Variants in DPYSL2 observed in about 807,000 individuals in gnomAD.
The protein encoded by DPYSL2 is dihydropyrimidinase-related protein 2.
Under a neutral mutation model 69.9 loss-of-function variants are expected in DPYSL2, and 13 were observed. The observed-to-expected ratio is 0.19, with a 90% CI of 0.12 to 0.30. DPYSL2 has a LOEUF of 0.30. Among genes scored for constraint, DPYSL2 ranks in the 10% least tolerant of loss-of-function variants. The pLI is 1.00. For missense variants in DPYSL2, 587 were observed against 918.9 expected, an observed-to-expected ratio of 0.64 and a Z score of 4.67; for synonymous variants, 326 against 359.1, an observed-to-expected ratio of 0.91 and a Z score of 1.04.
At position 26,626,922 on chromosome 8, in the gene DPYSL2, C is replaced by T. The variant is rs775603863; in HGVS notation, c.855+244C>T. Among the ~76,000 whole-genome samples the T allele has an allele frequency of 1.3e-5, 2 of 152,212 alleles. No individual in the cohort carries two copies. Among genetic ancestry groups the T allele is most frequent in the African/African-American group, 4.8e-5 (2 of 41,454 alleles). ...CCCCGCACGGCGTGTGTGGGAGCGGCACTCAGAACCTCCTTAGCAAACCTG... is the reference window on the plus strand; with the variant it reads ...CCCCGCACGGCGTGTGTGGGAGCGGTACTCAGAACCTCCTTAGCAAACCTG... On this transcript the variant is annotated intron_variant, in intron 5 of 13. Coordinates refer to ENST00000521913, the MANE Select transcript of DPYSL2 (RefSeq NM_001197293.3). This position sits in a 1 kb window ranked among gnomAD's most constrained non-coding sequence, Gnocchi z 4.3.
In DPYSL2 at chr8:26,609,680, G is replaced by A. The variant is rs992361345; in HGVS notation, c.629-14463G>A. On this transcript the variant is annotated intron_variant, in intron 3 of 13. Transcript: ENST00000521913. This position sits in a 1 kb window ranked among gnomAD's most constrained non-coding sequence, Gnocchi z 6.5. ...TGGACGCTGCCGGCTGCCACCCGTC[G>A]CTGAGCTGGAGCTCCCCAGAGTGCA... 7.9e-5 allele frequency among the ~76,000 whole-genome samples: 12 copies of A among 152,178 alleles called. 1 individual carries two copies. The highest frequency in any genetic ancestry group is 3.2e-3 in the Middle Eastern group (1 of 316).
chr8:26,634,171 C>CAG (rs1802845296), intron 7 of DPYSL2, among the ~76,000 whole-genome samples: 1 of 152,222 alleles, frequency 6.6e-6, no homozygotes, highest in African/African-American at 2.4e-5. Flanking sequence ...TAGTCCAGGG[C>CAG]AGAGCCAGAA....
At position 26,562,169 on chromosome 8, in the gene DPYSL2, A is replaced by C. The variant is rs1181954909; in HGVS notation, c.355-19800A>C. On this transcript the variant is annotated intron_variant, in intron 1 of 13. Coordinates refer to ENST00000521913, the MANE Select transcript of DPYSL2 (RefSeq NM_001197293.3). This position sits in a 1 kb window ranked among gnomAD's most constrained non-coding sequence, Gnocchi z 4.9. ...ATAAGAGGAAGGACACACACTGGTC[A>C]GACTGCAGGGCTTGATTCCTGGCTC... is the stretch of plus-strand genomic sequence containing the variant. Among the ~76,000 whole-genome samples, 2 of 152,216 alleles carry C rather than the reference A, an allele frequency of 1.3e-5. No individual in the cohort carries two copies. The highest frequency in any genetic ancestry group is 4.8e-5 in the African/African-American group (2 of 41,450).
intron 3 of DPYSL2, among the ~76,000 whole-genome samples, chr8:26,618,938 A>G (rs557767015): frequency 6.6e-6 from 1 of 152,222 alleles, no homozygotes; most frequent in Non-Finnish European, 1.5e-5. Flanking sequence ...AGCCTGGGCA[A>G]CAAGAGTGAA....
chr8:26,572,719 C>T (rs546372746), intron 1 of DPYSL2, among the ~76,000 whole-genome samples: 130 of 152,172 alleles, frequency 8.5e-4, no homozygotes, highest in African/African-American at 3.0e-3. Flanking sequence ...AGGATGGTCT[C>T]GAACTCCTGA....
rs115114478 is a variant in DPYSL2 at position 26,558,121 on chromosome 8, T to C, written c.355-23848T>C. Reference sequence around the variant, plus strand: ...TATTCAAAGGAGATGAAAACTTATTTCTAACAAAAATCTCTACAGAAATGT... The same window carrying C: ...TATTCAAAGGAGATGAAAACTTATTCCTAACAAAAATCTCTACAGAAATGT... On this transcript the variant is annotated intron_variant, in intron 1 of 13. Transcript: ENST00000521913. 7.0e-3 allele frequency among the ~76,000 whole-genome samples: 1,068 copies of C among 152,242 alleles called. 8 individuals are homozygous for C. Among genetic ancestry groups the C allele is most frequent in the African/African-American group, 0.024 (1,014 of 41,548 alleles).
intron 11 of DPYSL2, among the ~76,000 whole-genome samples, chr8:26,649,738 A>C (rs1179943569): frequency 6.6e-6 from 1 of 152,070 alleles, no homozygotes; most frequent in Non-Finnish European, 1.5e-5. Context: ...CTTTGCTTGG[A>C]TTTTCCAGGC....
chr8:26,553,851 A>G (rs1175792646), intron 1 of DPYSL2, among the ~76,000 whole-genome samples: 1 of 149,990 alleles, frequency 6.7e-6, no homozygotes, highest in Non-Finnish European at 1.5e-5. Flanking sequence ...ACAGTGCACA[A>G]GTGTTCCATT....
intron 1 of DPYSL2, among the ~76,000 whole-genome samples, chr8:26,574,205 A>G (rs1289188685): frequency 6.6e-6 from 1 of 152,158 alleles, no homozygotes; most frequent in African/African-American, 2.4e-5. Context: ...TTCAGAGGGA[A>G]GGAGGGGAAA....
At chr8:26,527,191 C>T (rs1808493095) in intron 1 of DPYSL2, among the ~76,000 whole-genome samples, 1 of 152,126 alleles carries the variant, frequency 6.6e-6, no homozygotes, top group Non-Finnish European at 1.5e-5. Flanking sequence ...AGGAGAATGC[C>T]CAACCCTGCT....
chr8:26,566,528 C>T (rs1585512724), intron 1 of DPYSL2, among the ~76,000 whole-genome samples: 1 of 152,014 alleles, frequency 6.6e-6, no homozygotes, highest in Admixed American at 6.5e-5. Context: ...GTTGACAAAG[C>T]GGTGGGGCTC....
At chr8:26,518,559 A>G (rs1269048636) in intron 1 of DPYSL2, among the ~76,000 whole-genome samples, 1 of 152,178 alleles carries the variant, frequency 6.6e-6, no homozygotes, top group Non-Finnish European at 1.5e-5. Context: ...GAACTTTTTC[A>G]TCCCCCAAAG....
Position 26,582,141 on chromosome 8 carries a change from C to A in DPYSL2, c.443+84C>A. 3 of 1,122,536 alleles carry A rather than the reference C, an allele frequency of 2.7e-6. No individual in the cohort carries two copies. The highest frequency in any genetic ancestry group is 2.6e-5 in the South Asian group (2 of 76,556). The allele number at this position is 1,122,536 out of a possible 1,614,324, so 69.5% of individuals were successfully genotyped here. ...TAGATACCATTCGCATCCAAAGTAT[C>A]AAACTTCAGGAACATCAGAGAGTGA... On this transcript the variant is annotated intron_variant, in intron 2 of 13. Transcript: ENST00000521913. This position sits in a 1 kb window ranked among gnomAD's most constrained non-coding sequence, Gnocchi z 4.1.
At position 26,545,202 on chromosome 8, in the gene DPYSL2, G is replaced by A. The variant is rs559809206; in HGVS notation, c.354+30523G>A. ...CAGAACTTCTTATCCAACAGCAGAA[G>A]TATGCACATTTTTCTCAGGCACACA... is the stretch of plus-strand genomic sequence containing the variant. On this transcript the variant is annotated intron_variant, in intron 1 of 13. Transcript: ENST00000521913. Among the ~76,000 whole-genome samples the A allele has an allele frequency of 8.5e-5, 13 of 152,280 alleles. No individual in the cohort carries two copies. The South Asian group carries it at 2.7e-3, about 32-fold the overall frequency.
intron 8 of DPYSL2, among the ~76,000 whole-genome samples, chr8:26,636,886 G>GC (rs1322054279): frequency 1.3e-4 from 19 of 151,882 alleles, no homozygotes; most frequent in East Asian, 9.7e-4. Flanking sequence ...GATTACAGGC[G>GC]CCCCCCCATC....
In DPYSL2 at chr8:26,514,128, G is replaced by C. The variant is rs1348240464; in HGVS notation, c.-198G>C. The stretch of plus-strand genomic sequence containing the variant: ...GCCGCGGGGGGCGTGGGCAGGGAGG[G>C]GAGAAGCGGGGTCAGGGGGAGGGAC... On this transcript the variant is annotated 5_prime_UTR_variant, in exon 1 of 14. Coordinates refer to ENST00000521913, the MANE Select transcript of DPYSL2 (RefSeq NM_001197293.3). This position sits in a 1 kb window ranked among gnomAD's most constrained non-coding sequence, Gnocchi z 8.4. 8 of 416,726 alleles carry C rather than the reference G, an allele frequency of 1.9e-5. No individual in the cohort carries two copies. The highest frequency in any genetic ancestry group is 3.3e-5 in the Non-Finnish European group (8 of 241,910). 25.8% of individuals were successfully genotyped at this position (416,726 alleles called of 1,614,324 possible).
rs145321368 is a variant in DPYSL2, at chr8:26,647,430, A to T, written c.1426-200A>T. On this transcript the variant is annotated intron_variant, in intron 10 of 13. Transcript: ENST00000521913. This position sits in a 1 kb window ranked among gnomAD's most constrained non-coding sequence, Gnocchi z 5.1. Reference sequence around the variant, plus strand: ...AGCCCCTCATCTGTTCTCCATCTCTACCATTTTGTTATTTGGAGAATGTTA... The same window carrying T: ...AGCCCCTCATCTGTTCTCCATCTCTTCCATTTTGTTATTTGGAGAATGTTA... 6.6e-6 allele frequency among the ~76,000 whole-genome samples: 1 copy of T among 152,086 alleles called. No homozygotes were observed. Among genetic ancestry groups the T allele is most frequent in the East Asian group, 1.9e-4 (1 of 5,184 alleles).
At position 26,641,730 on chromosome 8, in the gene DPYSL2, A is replaced by G. The variant is rs1035265464; in HGVS notation, c.1127-1709A>G. On this transcript the variant is annotated intron_variant, in intron 8 of 13. Coordinates refer to ENST00000521913, the MANE Select transcript of DPYSL2 (RefSeq NM_001197293.3). The surrounding 1 kb of genome is among the most constrained non-coding windows in gnomAD (Gnocchi z 4.1). ...CTTCCTTGGGGCTTCCTTCTGGAGG[A>G]GGTTTCCCTGGGTTTGGAGTCCTCC... Among the ~76,000 whole-genome samples the G allele has an allele frequency of 6.6e-6, 1 of 152,018 alleles. No homozygotes were observed. Among genetic ancestry groups the G allele is most frequent in the South Asian group, 2.1e-4 (1 of 4,828 alleles).
intron 3 of DPYSL2, among the ~76,000 whole-genome samples, chr8:26,608,652 C>G (rs1236136670): frequency 1.3e-5 from 2 of 152,164 alleles, no homozygotes; most frequent in Non-Finnish European, 2.9e-5. Flanking sequence ...CCTTATTGTT[C>G]AGATACATTG....
Sources: allele counts gnomAD v4.1 joint callset (sites outside exome capture counted in the v4.1 genomes callset), GRCh38; gene constraint gnomAD v4.1.1; non-coding constraint Gnocchi (gnomAD v3.1); transcripts MANE v1.5; gene names NCBI Gene and HGNC (gene_info 2026-07-23, HGNC 2026-07-21).